The following RBFOX1 variants were observed in gnomAD, a reference collection of about 807,000 sequenced individuals.
RBFOX1 encodes the protein RNA binding fox-1 homolog 1.
In RBFOX1, 8 loss-of-function variants were observed where a neutral mutation model predicts 57.7. That is an observed-to-expected ratio of 0.14 (90% CI 0.08 to 0.25). The LOEUF (loss-of-function observed/expected upper bound fraction) is 0.25, where lower values mean the gene tolerates loss of function less well. Ranked by LOEUF, RBFOX1 falls within the 10% of genes least tolerant of loss-of-function variation. RBFOX1 has a pLI of 1.00. For missense variants in RBFOX1, 611 were observed against 548.5 expected, an observed-to-expected ratio of 1.11 and a Z score of -1.14; for synonymous variants, 326 against 222.4, an observed-to-expected ratio of 1.47 and a Z score of -4.15.
intron 3 of RBFOX1, among the ~76,000 whole-genome samples, chr16:6,842,155 A>AAAATAAAT (rs57858897): frequency 9.7e-4 from 143 of 148,136 alleles, no homozygotes; most frequent in East Asian, 6.0e-3. Context: ...AAAAAAATAA[A>AAAATAAAT]AAATAAATAA....
chr16:5,933,495 C>A (rs2059109370), intron 4 of RBFOX1, among the ~76,000 whole-genome samples: 1 of 152,146 alleles, frequency 6.6e-6, no homozygotes, highest in African/African-American at 2.4e-5. Context: ...GGTTGAATCT[C>A]CTTGTTTTCC....
chr16:7,038,425 C>G (rs1395358691), intron 3 of RBFOX1, among the ~76,000 whole-genome samples: 1 of 152,176 alleles, frequency 6.6e-6, no homozygotes, highest in African/African-American at 2.4e-5. Flanking sequence ...CAGCCCTCCT[C>G]TGCCTTGGTT....
intron 3 of RBFOX1, among the ~76,000 whole-genome samples, chr16:6,971,780 C>T (rs1220455266): frequency 6.6e-6 from 1 of 151,942 alleles, no homozygotes; most frequent in Non-Finnish European, 1.5e-5. Context: ...TGTCCACAGT[C>T]CTGCTTCTGT....
At position 6,445,592 on chromosome 16, in the gene RBFOX1, G is replaced by GT. The variant is rs1216785493; in HGVS notation, c.-64+128544dup. Among the ~76,000 whole-genome samples the GT allele has an allele frequency of 3.1e-3, 257 of 82,914 alleles. 1 individual carries two copies. The highest frequency in any genetic ancestry group is 0.01 in the African/African-American group (219 of 21,552). The allele number at this position is 82,914 out of a possible 152,430, so 54.4% of individuals were successfully genotyped here. A position where few individuals can be genotyped will look rare whatever the true frequency, so the allele number is the denominator to read the frequency against. ...TTTTTTTTTTTTTTTTTGAGATGGAGTTTTTTTTTGAGATGGAGCCTTACT... is the reference window on the plus strand; with the variant it reads ...TTTTTTTTTTTTTTTTTGAGATGGAGTTTTTTTTTTGAGATGGAGCCTTACT... On this transcript the variant is annotated intron_variant, in intron 2 of 15. Coordinates refer to ENST00000550418, the MANE Select transcript of RBFOX1 (RefSeq NM_018723.4).
chr16:7,368,393 T>G (rs765119851), intron 4 of RBFOX1, among the ~76,000 whole-genome samples: 2 of 152,176 alleles, frequency 1.3e-5, no homozygotes, highest in African/African-American at 2.4e-5. Context: ...AGTTTACGTA[T>G]TACCAGAAAA....
intron 4 of RBFOX1, among the ~76,000 whole-genome samples, chr16:7,052,688 G>A (rs952816468): frequency 3.4e-4 from 51 of 152,190 alleles, no homozygotes; most frequent in African/African-American, 1.2e-3. Context: ...TTCCCTAGAT[G>A]TGCAGGGAGT....
chr16:6,787,900 G>A (rs1419854213), intron 3 of RBFOX1, among the ~76,000 whole-genome samples: 3 of 152,124 alleles, frequency 2.0e-5, no homozygotes, highest in Admixed American at 6.5e-5. Context: ...AATATTAATA[G>A]CCAATCTGTC....
intron 2 of RBFOX1, among the ~76,000 whole-genome samples, chr16:5,526,660 G>A (rs1451474053): frequency 6.6e-6 from 1 of 152,136 alleles, no homozygotes; most frequent in Non-Finnish European, 1.5e-5. Flanking sequence ...GAAACAGGCT[G>A]GCATCCCAGC....
intron 2 of RBFOX1, among the ~76,000 whole-genome samples, chr16:6,317,543 C>CA (rs34505828): frequency 2.1e-3 from 311 of 148,896 alleles, no homozygotes; most frequent in African/African-American, 5.9e-3. Context: ...AAAATTACTG[C>CA]AAAAAAAAAA....
chr16:5,496,493 ATCT>A (rs1486505320), intron 2 of RBFOX1, among the ~76,000 whole-genome samples: 1 of 151,542 alleles, frequency 6.6e-6, no homozygotes, highest in African/African-American at 2.4e-5. Context: ...CTCTAGTCAC[ATCT>A]TCTTTCCTCA....
chr16:7,014,277 A>T (rs1207257666), intron 3 of RBFOX1, among the ~76,000 whole-genome samples: 1 of 151,264 alleles, frequency 6.6e-6, no homozygotes, highest in South Asian at 2.1e-4. Flanking sequence ...CAGTGGCATG[A>T]TTTTGGCTCA....
chr16:6,833,132 TC>T (rs1295319701), intron 3 of RBFOX1, among the ~76,000 whole-genome samples: 3 of 151,918 alleles, frequency 2.0e-5, no homozygotes, highest in African/African-American at 4.8e-5. Context: ...TCCTTTTTTT[TC>T]AAGTCTTGTA....
intron 3 of RBFOX1, among the ~76,000 whole-genome samples, chr16:5,659,205 C>T (rs1028069255): frequency 1.3e-5 from 2 of 151,556 alleles, no homozygotes; most frequent in African/African-American, 4.8e-5. Context: ...GCCATTCTTG[C>T]AGGCATAAGG....
At chr16:5,389,322 GC>G (rs2151414800) in intron 1 of RBFOX1, among the ~76,000 whole-genome samples, 1 of 152,122 alleles carries the variant, frequency 6.6e-6, no homozygotes, top group East Asian at 1.9e-4. Context: ...TGCATAACAG[GC>G]TTTTCGACCT....
At chr16:6,393,188 C>G (rs915774233) in intron 2 of RBFOX1, among the ~76,000 whole-genome samples, 1 of 152,222 alleles carries the variant, frequency 6.6e-6, no homozygotes, top group Non-Finnish European at 1.5e-5. Context: ...ACCCCTCCAT[C>G]TGTAGATGCT....
chr16:7,495,589 C>T (rs8044393), intron 4 of RBFOX1, among the ~76,000 whole-genome samples: 13,016 of 152,178 alleles, frequency 0.086, 734 homozygotes, highest in East Asian at 0.13. Context: ...AGCATTTTTT[C>T]GTATGTTTGT....
intron 3 of RBFOX1, among the ~76,000 whole-genome samples, chr16:6,903,425 G>T (rs2068966121): frequency 6.6e-6 from 1 of 152,208 alleles, no homozygotes; most frequent in African/African-American, 2.4e-5. Context: ...ATTGACGAAA[G>T]ATCCGTGAAG....
intron 4 of RBFOX1, among the ~76,000 whole-genome samples, chr16:7,467,557 C>G (rs1219004616): frequency 2.0e-5 from 3 of 152,150 alleles, no homozygotes; most frequent in African/African-American, 7.2e-5. Flanking sequence ...AACGTGGGTT[C>G]AAATCCCAGC....
At chr16:7,190,203 A>G in intron 4 of RBFOX1, among the ~76,000 whole-genome samples, 1 of 152,110 alleles carries the variant, frequency 6.6e-6, no homozygotes, top group Non-Finnish European at 1.5e-5. Context: ...TCTACTAAAA[A>G]TACAGAAATT....
Sources: gnomAD v4.1 joint callset for allele counts (sites outside exome capture counted in the v4.1 genomes callset) on GRCh38, gnomAD v4.1.1 for gene constraint, MANE v1.5 for transcripts, NCBI Gene and HGNC (gene_info 2026-07-23, HGNC 2026-07-21) for gene names.